Variants in TJAP1 observed in about 807,000 individuals in gnomAD.
The protein encoded by TJAP1 is tight junction-associated protein 1.
In TJAP1, 27 loss-of-function variants were observed where a neutral mutation model predicts 42.0. The observed-to-expected ratio is 0.64, with a 90% confidence interval of 0.47 to 0.89. The LOEUF (loss-of-function observed/expected upper bound fraction) is 0.89. Among genes scored for constraint, TJAP1 ranks in the 40% least tolerant of loss-of-function variants. The probability of loss-of-function intolerance (pLI) is 0.00; values close to 1 mark genes in which losing one functional copy is unlikely to be tolerated. For synonymous variants in TJAP1, 257 were observed against 288.4 expected (o/e 0.89, Z 1.10); for missense variants, 712 against 726.9 (o/e 0.98, Z 0.24).
chr6:43,479,464 A>G (rs1247748810), intron 2 of TJAP1, among the ~76,000 whole-genome samples: 1 of 152,202 alleles, frequency 6.6e-6, no homozygotes, highest in East Asian at 1.9e-4. Context: ...TAATCACCCA[A>G]GGGTAGTGTG....
At chr6:43,480,524 CTT>C (rs924607917) in intron 2 of TJAP1, among the ~76,000 whole-genome samples, 1 of 147,882 alleles carries the variant, frequency 6.8e-6, no homozygotes. Flanking sequence ...TAATTTTTGA[CTT>C]TTTTTTTTTG....
chr6:43,479,984 C>A (rs9766212), intron 2 of TJAP1, among the ~76,000 whole-genome samples: 1 of 151,428 alleles, frequency 6.6e-6, no homozygotes, highest in Non-Finnish European at 1.5e-5. Context: ...AGAAAAAAAG[C>A]GTCTCCAAAA....
At chr6:43,487,870 G>GTTT (rs549444658) in intron 2 of TJAP1, among the ~76,000 whole-genome samples, 3 of 138,348 alleles carry the variant, frequency 2.2e-5, no homozygotes, top group Admixed American at 7.2e-5. Context: ...CCTTCTAGTA[G>GTTT]TTTTTTTTTT....
At chr6:43,501,503 T>C in intron 5 of TJAP1, 23 bp from the exon 6 acceptor site, 1 of 1,607,538 alleles carries the variant, frequency 6.2e-7, no homozygotes, top group Non-Finnish European at 8.5e-7. Flanking sequence ...CCCTCTGCCC[T>C]TGATCCCACA....
intron 4 of TJAP1, 94 bp downstream of exon 4, chr6:43,499,194 G>A: frequency 6.4e-7 from 1 of 1,551,442 alleles, no homozygotes; most frequent in Non-Finnish European, 8.7e-7. Context: ...TTCTGGTCCT[G>A]AGTTGGGGTG....
intron 2 of TJAP1, among the ~76,000 whole-genome samples, chr6:43,486,125 C>CAGCT (rs1230076554): frequency 6.6e-6 from 1 of 151,522 alleles, no homozygotes; most frequent in South Asian, 2.1e-4. Flanking sequence ...CCACCACGCG[C>CAGCT]AGCTAACTTT....
At chr6:43,483,736 A>G (rs1268638900) in intron 2 of TJAP1, among the ~76,000 whole-genome samples, 3 of 152,232 alleles carry the variant, frequency 2.0e-5, no homozygotes, top group Admixed American at 1.3e-4. Flanking sequence ...TTCCTTAACC[A>G]GTAGGATTCT....
At position 43,502,273 on chromosome 6, in the gene TJAP1, C is replaced by T; in HGVS notation, c.291-10C>T. Reference sequence around the variant, plus strand: ...GACCCAGGGATGTGCCTTGTATTATCCCTTTTCAGGCTGCAGAACAGCTAC... The same window carrying T: ...GACCCAGGGATGTGCCTTGTATTATTCCTTTTCAGGCTGCAGAACAGCTAC... On this transcript the variant is annotated splice_polypyrimidine_tract_variant and intron_variant, in intron 6 of 10. Coordinates refer to ENST00000372449, the Ensembl canonical transcript of TJAP1. 6.2e-7 allele frequency: 1 copy of T among 1,613,964 alleles called. No homozygotes were observed. The highest frequency in any genetic ancestry group is 8.5e-7 in the Non-Finnish European group (1 of 1,179,990).
At chr6:43,480,268 C>T (rs1320388816) in intron 2 of TJAP1, among the ~76,000 whole-genome samples, 2 of 152,212 alleles carry the variant, frequency 1.3e-5, no homozygotes, top group African/African-American at 4.8e-5. Context: ...TTGGTTTGGG[C>T]TGCTAGCCTG....
At position 43,501,936 on chromosome 6, in the gene TJAP1, C is replaced by G. The variant is rs922727642; in HGVS notation, c.290+249C>G. On this transcript the variant is annotated intron_variant, in intron 6 of 10. Transcript: ENST00000372449. ...ACACACACACACACACACTCTCTCT[C>G]TCTCTCTCTCTCTCTCTCTCCTTTC... 2.9e-5 allele frequency among the ~76,000 whole-genome samples: 4 copies of G among 136,196 alleles called. 1 individual carries two copies. Among genetic ancestry groups the G allele is most frequent in the African/African-American group, 1.3e-4 (4 of 30,024 alleles). 89.3% of individuals were successfully genotyped at this position (136,196 alleles called of 152,430 possible).
intron 2 of TJAP1, chr6:43,497,078 C>T (rs1031989098): frequency 6.6e-6 from 1 of 152,342 alleles, no homozygotes; most frequent in Non-Finnish European, 1.5e-5. Context: ...ACGAGTGTTC[C>T]TCAGCCTTGG....
At chr6:43,480,327 C>T (rs957303359) in intron 2 of TJAP1, among the ~76,000 whole-genome samples, 1 of 152,080 alleles carries the variant, frequency 6.6e-6, no homozygotes, top group Non-Finnish European at 1.5e-5. Flanking sequence ...ATTTTTTTGT[C>T]GTGAGAATAT....
intron 2 of TJAP1, among the ~76,000 whole-genome samples, chr6:43,478,996 C>T (rs1784773800): frequency 6.6e-6 from 1 of 152,166 alleles, no homozygotes; most frequent in South Asian, 2.1e-4. Flanking sequence ...TTTTTTCTCT[C>T]CTTTGTAATC....
intron 2 of TJAP1, among the ~76,000 whole-genome samples, chr6:43,482,620 G>A (rs1206823897): frequency 1.3e-5 from 2 of 152,136 alleles, no homozygotes; most frequent in African/African-American, 4.8e-5. Context: ...ATAATTGCCT[G>A]TTTACTTGTC....
intron 2 of TJAP1, among the ~76,000 whole-genome samples, chr6:43,480,148 T>C (rs1247213785): frequency 6.6e-6 from 1 of 152,234 alleles, no homozygotes; most frequent in African/African-American, 2.4e-5. Flanking sequence ...AATACATTAA[T>C]ATGCTTACTC....
At chr6:43,501,748 ACACACACACACTCT>A (rs1431720518) in intron 6 of TJAP1, 61 bp downstream of exon 6, 13 of 668,578 alleles carry the variant, frequency 1.9e-5, no homozygotes, top group East Asian at 8.4e-5. Context: ...ACACACACAC[ACACACACACACTCT>A]CTCTGTCTCT....
At chr6:43,485,020 G>A (rs1026551664) in intron 2 of TJAP1, among the ~76,000 whole-genome samples, 2 of 152,216 alleles carry the variant, frequency 1.3e-5, no homozygotes, top group Non-Finnish European at 2.9e-5. Flanking sequence ...GAGCCACCAC[G>A]CCCAGCCTCC....
intron 4 of TJAP1, 83 bp from the exon 5 acceptor site, chr6:43,500,661 C>G: frequency 4.6e-6 from 7 of 1,516,484 alleles, no homozygotes; most frequent in Non-Finnish European, 6.4e-6. Context: ...CACACCTGAG[C>G]CTTCTTGTGG....
At chr6:43,488,948 TGTGGCCAGGGTG>T (rs1172845445) in intron 2 of TJAP1, among the ~76,000 whole-genome samples, 1 of 152,190 alleles carries the variant, frequency 6.6e-6, no homozygotes, top group Non-Finnish European at 1.5e-5. Flanking sequence ...GGCCCACCTC[TGTGGCCAGGGTG>T]GTGACTCTTC....
Sources: allele counts gnomAD v4.1 joint callset (sites outside exome capture counted in the v4.1 genomes callset), GRCh38; gene constraint gnomAD v4.1.1; transcripts MANE v1.5; gene names NCBI Gene and HGNC (gene_info 2026-07-23, HGNC 2026-07-21).